Variants in AP2B1 observed in about 807,000 individuals in gnomAD.
AP2B1 encodes adaptor related protein complex 2 subunit beta 1.
In AP2B1, 23 loss-of-function variants were observed where a neutral mutation model predicts 102.0. The ratio of observed to expected loss-of-function variants is 0.23; its 90% CI spans 0.16 to 0.32. The LOEUF (loss-of-function observed/expected upper bound fraction) is 0.32. Among genes scored for constraint, AP2B1 ranks in the 10% least tolerant of loss-of-function variants. The pLI, the probability that AP2B1 is intolerant of heterozygous loss-of-function variation, is 1.00. For synonymous variants in AP2B1, 381 were observed against 421.2 expected (o/e 0.90, Z 1.17); for missense variants, 541 against 1,157.4 (o/e 0.47, Z 7.73).
chr17:35,589,415 G>A (rs1416441069), intron 1 of AP2B1, among the ~76,000 whole-genome samples: 5 of 152,148 alleles, frequency 3.3e-5, no homozygotes, highest in African/African-American at 1.2e-4. Context: ...GCTTCCCAGA[G>A]AGCCATTTGA....
At chr17:35,682,645 A>G in intron 17 of AP2B1, 50 bp from the exon 18 acceptor site, 1 of 1,583,548 alleles carries the variant, frequency 6.3e-7, no homozygotes, top group Non-Finnish European at 8.6e-7. Flanking sequence ...TGCCCAGCCT[A>G]AATTCTGCCT....
Position 35,657,784 on chromosome 17 carries a change from A to G in AP2B1, c.1982A>G (p.Asp661Gly), listed in dbSNP as rs774202744. Residue 661 changes from aspartate (D) to glycine (G), a missense_variant, in exon 14 of 22, where the codon GAT becomes GGT. By Grantham distance (94) the Asp-to-Gly change is moderately conservative (BLOSUM62 -1). Coordinates refer to ENST00000610402, the MANE Select transcript of AP2B1 (RefSeq NM_001030006.2). Reference protein sequence around the residue: ...GAVDLLGGGLDSLLGSDLGGG... With the variant: ...GAVDLLGGGLGSLLGSDLGGG... ...GTGGATCTCCTAGGAGGAGGACTAG[A>G]TAGTCTGGTAAGCATCTTTCTTCCC... 1 of 1,612,236 alleles carries G rather than the reference A, an allele frequency of 6.2e-7. No homozygotes were observed. Among genetic ancestry groups the G allele is most frequent in the Non-Finnish European group, 8.5e-7 (1 of 1,179,230 alleles).
intron 4 of AP2B1, among the ~76,000 whole-genome samples, chr17:35,606,979 C>A (rs2073699374): frequency 1.3e-5 from 2 of 151,576 alleles, no homozygotes; most frequent in East Asian, 3.9e-4. Flanking sequence ...AATCTCAGCT[C>A]ACCACAACCT....
chr17:35,616,898 G>A (rs1187334172), intron 5 of AP2B1, among the ~76,000 whole-genome samples: 1 of 152,170 alleles, frequency 6.6e-6, no homozygotes, highest in South Asian at 2.1e-4. Context: ...TCTTAGACGA[G>A]TGGTGTCTCT....
rs1027368781 is a variant in AP2B1, at chr17:35,726,281, G to C, written c.*2582G>C. 6.6e-6 allele frequency: 1 copy of C among 151,752 alleles called. No homozygotes were observed. The allele number at this position is 151,752 out of a possible 1,614,324, so 9.4% of individuals were successfully genotyped here. ...GAGACTCTGGAAAGAAATGGGGAGG[G>C]GGGGCAGGGGAAATGTTGCCCTAAG... On this transcript the variant is annotated 3_prime_UTR_variant, in exon 22 of 22. Transcript: ENST00000610402.
chr17:35,596,080 G>C (rs777835415), intron 2 of AP2B1, among the ~76,000 whole-genome samples: 14 of 152,014 alleles, frequency 9.2e-5, no homozygotes, highest in Non-Finnish European at 1.9e-4. Flanking sequence ...TGTGTTCCCT[G>C]TACTTCCTGC....
intron 3 of AP2B1, 34 bp downstream of exon 3, chr17:35,598,369 A>T (rs2083688720): frequency 7.2e-7 from 1 of 1,383,356 alleles, no homozygotes; most frequent in South Asian, 1.3e-5. Context: ...TGATCACTTC[A>T]GAGGTCCATA....
chr17:35,604,252 C>T (rs925551319), intron 3 of AP2B1, among the ~76,000 whole-genome samples: 11 of 151,942 alleles, frequency 7.2e-5, no homozygotes, highest in Admixed American at 6.6e-4. Flanking sequence ...GGACCACAGG[C>T]GCACACCACC....
intron 4 of AP2B1, chr17:35,607,774 C>CTTT (rs35128360): frequency 1.5e-4 from 19 of 123,560 alleles, no homozygotes; most frequent in African/African-American, 5.0e-4. Flanking sequence ...TACAGCTCCT[C>CTTT]TTTTTTTTTT....
chr17:35,632,521 A>G (rs984393084), intron 9 of AP2B1, among the ~76,000 whole-genome samples: 1 of 152,166 alleles, frequency 6.6e-6, no homozygotes, highest in Non-Finnish European at 1.5e-5. Context: ...ATACCAGAAC[A>G]AATTGTTCTT....
chr17:35,689,992 A>G (rs2076009354), intron 18 of AP2B1, among the ~76,000 whole-genome samples: 1 of 152,104 alleles, frequency 6.6e-6, no homozygotes, highest in Middle Eastern at 3.4e-3. Context: ...GTTTTCCCCA[A>G]TTTTGGAAAT....
intron 19 of AP2B1, 65 bp from the exon 20 acceptor site, chr17:35,710,169 G>C (rs2076418593): frequency 2.6e-6 from 3 of 1,139,348 alleles, no homozygotes; most frequent in Non-Finnish European, 4.0e-6. Flanking sequence ...ATGATGCAAG[G>C]CATCGAAAAT....
intron 5 of AP2B1, among the ~76,000 whole-genome samples, chr17:35,609,236 G>C (rs1383212396): frequency 6.6e-6 from 1 of 152,044 alleles, no homozygotes. Context: ...CCAAGCTGGA[G>C]TGCAGTGGTG....
At chr17:35,613,060 T>A (rs537606174) in intron 5 of AP2B1, among the ~76,000 whole-genome samples, 1 of 150,902 alleles carries the variant, frequency 6.6e-6, no homozygotes, top group Admixed American at 6.6e-5. Context: ...CAGTGATGGA[T>A]ATGAGTCCTT....
At chr17:35,666,067 G>A (rs1490060047) in intron 14 of AP2B1, among the ~76,000 whole-genome samples, 3 of 152,018 alleles carry the variant, frequency 2.0e-5, no homozygotes, top group Non-Finnish European at 2.9e-5. Context: ...TTCTGCTGTT[G>A]TAGCACATTG....
rs537813470 is a variant in AP2B1, at chr17:35,615,461, A to G, written c.525+7074A>G. Among the ~76,000 whole-genome samples the G allele has an allele frequency of 3.1e-3, 473 of 152,308 alleles. 2 individuals are homozygous for G. Among genetic ancestry groups the G allele is most frequent in the African/African-American group, 0.011 (448 of 41,558 alleles). ...TTACTTGTGTGGTGATTTGTTGTCA[A>G]CCTAAGATGATAAAATATTGAAAAA... On this transcript the variant is annotated intron_variant, in intron 5 of 21. Coordinates refer to ENST00000610402, the MANE Select transcript of AP2B1 (RefSeq NM_001030006.2).
In AP2B1 at chr17:35,626,829, A is replaced by G; in HGVS notation, c.925A>G (p.Ile309Val). 6.2e-7 allele frequency: 1 copy of G among 1,613,934 alleles called. No individual in the cohort carries two copies. Among genetic ancestry groups the G allele is most frequent in the Non-Finnish European group, 8.5e-7 (1 of 1,179,924 alleles). The change falls in exon 7 of 22, where the codon ATT becomes GTT. Residue 309 changes from isoleucine (I) to valine (V), a missense_variant. This residue lies in a region of AP2B1 where 134 missense variants were observed against 250.2 expected (regional missense o/e 0.54). Transcript: ENST00000610402. The stretch of plus-strand genomic sequence containing the variant: ...TGTCGCCCTGAGGAACATCAACTTA[A>G]TTGTCCAGAAAAGGTTGGGAAATAG... ...QYVALRNINL[I>V]VQKRPEILKQ...
In AP2B1 at chr17:35,691,869, C is replaced by T. The variant is rs587602725; in HGVS notation, c.2454+9045C>T. Among the ~76,000 whole-genome samples, 34 of 152,274 alleles carry T rather than the reference C, an allele frequency of 2.2e-4. No individual in the cohort carries two copies. In the South Asian group the frequency reaches 3.7e-3, roughly 17 times the overall value. On this transcript the variant is annotated intron_variant, in intron 18 of 21. Transcript: ENST00000610402. Reference sequence around the variant, plus strand: ...CCAGTTTGACATATTCTTCATGTCCCATCAGGACTATAAACATATTATTTA... The same window carrying T: ...CCAGTTTGACATATTCTTCATGTCCTATCAGGACTATAAACATATTATTTA...
At chr17:35,708,717 T>C (rs587698951) in intron 18 of AP2B1, among the ~76,000 whole-genome samples, 12 of 152,212 alleles carry the variant, frequency 7.9e-5, no homozygotes, top group African/African-American at 2.9e-4. Flanking sequence ...TGGGGAGAAA[T>C]AAAAATCAAG....
Sources: allele counts gnomAD v4.1 joint callset (sites outside exome capture counted in the v4.1 genomes callset), GRCh38; gene constraint gnomAD v4.1.1; regional missense constraint gnomAD v4.1.1; transcripts MANE v1.5; gene names NCBI Gene and HGNC (gene_info 2026-07-23, HGNC 2026-07-21).